The following PARG variants were observed in gnomAD, a reference collection of about 807,000 sequenced individuals.
The protein encoded by PARG is mitochondrial poly(ADP-ribose) glycohydrolase.
In PARG, 35 loss-of-function variants were observed where a neutral mutation model predicts 113.0. The observed-to-expected ratio is 0.31, with a 90% CI of 0.24 to 0.41. The LOEUF (loss-of-function observed/expected upper bound fraction) is 0.41, where lower values mean the gene tolerates loss of function less well. Among genes scored for constraint, PARG ranks in the 10% least tolerant of loss-of-function variants. The probability of loss-of-function intolerance (pLI) is 1.00; values close to 1 mark genes in which losing one functional copy is unlikely to be tolerated. For missense variants in PARG, 797 were observed against 1,169.4 expected (o/e 0.68, Z 4.64); for synonymous variants, 330 against 409.9 (o/e 0.81, Z 2.36).
intron 17 of PARG, among the ~76,000 whole-genome samples, 194 bp downstream of exon 17, chr10:49,819,971 A>T (rs1406581187): frequency 1.3e-5 from 2 of 152,182 alleles, no homozygotes; most frequent in Admixed American, 6.5e-5. Context: ...ATACCCTATC[A>T]AGACTGTGGA....
At chr10:49,859,837 A>G (rs1349417708) in intron 12 of PARG, among the ~76,000 whole-genome samples, 1 of 152,210 alleles carries the variant, frequency 6.6e-6, no homozygotes, top group Non-Finnish European at 1.5e-5. Flanking sequence ...TTTACTACTT[A>G]AAAAAGTTCT....
Position 49,922,443 on chromosome 10 carries a change from T to C in PARG, c.1579-24A>G, listed in dbSNP as rs533239783. ...TTCTTTTGGAAAAAAGAAAAACATA[T>C]GAGGAAGCTATTCTAAGTTGTTTTG... On this transcript the variant is annotated intron_variant, in intron 5 of 17. Coordinates refer to ENST00000616448, the MANE Select transcript of PARG (RefSeq NM_003631.5). 3.7e-6 allele frequency: 6 copies of C among 1,609,542 alleles called. No individual in the cohort carries two copies. The East Asian group carries it at 1.1e-4, about 30-fold the overall frequency.
chr10:49,888,729 G>A (rs1554840901), intron 7 of PARG, among the ~76,000 whole-genome samples: 2 of 151,964 alleles, frequency 1.3e-5, no homozygotes, highest in Admixed American at 6.6e-5. Context: ...CTTAAGTTTT[G>A]GTCAGCTTCT....
chr10:49,915,099 G>C (rs1554847233), intron 7 of PARG, among the ~76,000 whole-genome samples: 1 of 150,606 alleles, frequency 6.6e-6, no homozygotes, highest in Non-Finnish European at 1.5e-5. Context: ...TCTTAAATAT[G>C]ATCCCGAAAA....
At chr10:49,878,604 T>G (rs1847063086) in intron 9 of PARG, among the ~76,000 whole-genome samples, 2 of 128,798 alleles carry the variant, frequency 1.6e-5, no homozygotes, top group Non-Finnish European at 1.7e-5. Context: ...GGCAACAGAG[T>G]GAAGCTCCGT....
At chr10:49,927,493 A>G (rs1379172824) in intron 4 of PARG, among the ~76,000 whole-genome samples, 2 of 152,030 alleles carry the variant, frequency 1.3e-5, no homozygotes, top group African/African-American at 4.8e-5. Flanking sequence ...CCAGAGAGAG[A>G]CAGAAGAAAA....
chr10:49,929,793 T>C (rs1838397790), intron 4 of PARG, among the ~76,000 whole-genome samples: 2 of 145,616 alleles, frequency 1.4e-5, no homozygotes, highest in African/African-American at 5.1e-5. Flanking sequence ...GCTGTTGCAC[T>C]CCAGCCTGGG....
intron 16 of PARG, among the ~76,000 whole-genome samples, chr10:49,825,178 T>C (rs1375149735): frequency 6.6e-6 from 1 of 152,178 alleles, no homozygotes; most frequent in Non-Finnish European, 1.5e-5. Flanking sequence ...AGGCCAACTC[T>C]TATTCTCCAA....
chr10:49,894,626 GAC>G (rs1380957382), intron 7 of PARG, among the ~76,000 whole-genome samples: 2 of 152,116 alleles, frequency 1.3e-5, no homozygotes, highest in Non-Finnish European at 2.9e-5. Flanking sequence ...TTGTTGAAAA[GAC>G]ACTTCTTTTC....
chr10:49,865,743 T>A (rs2132560583), intron 10 of PARG, among the ~76,000 whole-genome samples: 1 of 150,586 alleles, frequency 6.6e-6, no homozygotes, highest in South Asian at 2.1e-4. Flanking sequence ...AAAGGATGTA[T>A]AACTGGTACA....
intron 7 of PARG, among the ~76,000 whole-genome samples, chr10:49,896,930 T>C (rs1346058590): frequency 6.6e-6 from 1 of 152,248 alleles, no homozygotes; most frequent in Non-Finnish European, 1.5e-5. Flanking sequence ...TTGGTCCACA[T>C]AGTAACCAAT....
chr10:49,935,212 G>A, intron 1 of PARG, 70 bp from the exon 2 acceptor site: 2 of 654,790 alleles, frequency 3.1e-6, no homozygotes, highest in Non-Finnish European at 5.5e-6. Flanking sequence ...GTACATGCAA[G>A]GAACTATGCT....
chr10:49,825,830 G>A (rs1844327761), intron 16 of PARG, among the ~76,000 whole-genome samples: 1 of 152,148 alleles, frequency 6.6e-6, no homozygotes, highest in Admixed American at 6.5e-5. Flanking sequence ...CCAGCTCACA[G>A]ATAGTTAAAA....
intron 7 of PARG, among the ~76,000 whole-genome samples, chr10:49,890,747 T>A (rs186297734): frequency 6.6e-6 from 1 of 152,146 alleles, no homozygotes; most frequent in African/African-American, 2.4e-5. Flanking sequence ...TCTACAAACA[T>A]CCAAATAGAA....
chr10:49,839,060 G>T lies in PARG; in HGVS notation c.2541+2890C>A, dbSNP rs375156605. 1.0e-3 allele frequency among the ~76,000 whole-genome samples: 156 copies of T among 152,312 alleles called. 3 individuals carry two copies. The South Asian group carries it at 0.03, about 29-fold the overall frequency. On this transcript the variant is annotated intron_variant, in intron 15 of 17. Transcript: ENST00000616448. The stretch of plus-strand genomic sequence containing the variant: ...ATTGTCTAAGAAGTTATTTAGGCCA[G>T]GCGTGGTGGCTCACGCCTGTAATCC...
chr10:49,823,717 C>T (rs1308931297), intron 16 of PARG, among the ~76,000 whole-genome samples: 1 of 152,022 alleles, frequency 6.6e-6, no homozygotes, highest in Non-Finnish European at 1.5e-5. Context: ...GAAAATTTAG[C>T]TTTAAGTATT....
At chr10:49,822,423 C>T (rs782304638) in intron 16 of PARG, among the ~76,000 whole-genome samples, 2 of 152,128 alleles carry the variant, frequency 1.3e-5, no homozygotes, top group African/African-American at 2.4e-5. Context: ...AAGAAAGGTA[C>T]AAGATGACCT....
At chr10:49,906,113 A>T (rs1432635246) in intron 7 of PARG, among the ~76,000 whole-genome samples, 1 of 150,202 alleles carries the variant, frequency 6.7e-6, no homozygotes, top group Non-Finnish European at 1.5e-5. Flanking sequence ...GGAAGCTGGT[A>T]GGTGCTTTCC....
At chr10:49,897,542 CT>C (rs1374947021) in intron 7 of PARG, among the ~76,000 whole-genome samples, 5 of 152,218 alleles carry the variant, frequency 3.3e-5, no homozygotes, top group Admixed American at 3.3e-4. Flanking sequence ...ATTTAAACAT[CT>C]TGTGGCCCCC....
Sources: gnomAD v4.1 joint callset for allele counts (sites outside exome capture counted in the v4.1 genomes callset) on GRCh38, gnomAD v4.1.1 for gene constraint, MANE v1.5 for transcripts, NCBI Gene and HGNC (gene_info 2026-07-23, HGNC 2026-07-21) for gene names.